KLK1: variants seen among roughly 807,000 people sequenced by gnomAD.
KLK1 encodes kallikrein 1.
Under a neutral mutation model 23.3 loss-of-function variants are expected in KLK1, and 22 were observed. That is an observed-to-expected ratio of 0.95 (90% confidence interval 0.68 to 1.35). The LOEUF is 1.35. Among genes scored for constraint, KLK1 ranks in the 40% most tolerant of loss-of-function variants. The pLI is 0.00. For missense variants in KLK1, 301 were observed against 338.9 expected, an observed-to-expected ratio of 0.89 and a Z score of 0.88; for synonymous variants, 140 against 135.8, an observed-to-expected ratio of 1.03 and a Z score of -0.21.
intron 1 of KLK1, chr19:50,822,707 G>C: frequency 5.1e-6 from 5 of 985,452 alleles, no homozygotes; most frequent in Non-Finnish European, 6.0e-6. Context: ...TGGGATCTTC[G>C]TTTCTCATGG....
chr19:50,822,045 C>G (rs1464850554), intron 1 of KLK1, 174 bp from the exon 2 acceptor site: 12 of 1,380,492 alleles, frequency 8.7e-6, no homozygotes, highest in Non-Finnish European at 1.1e-5. Flanking sequence ...CTGGACTGTT[C>G]CCTGGGCTTT....
Position 50,821,729 on chromosome 19 carries a change from A to G in KLK1, c.189T>C (p.Ala63=). 6.2e-7 allele frequency: 1 copy of G among 1,612,578 alleles called. No individual in the cohort carries two copies. The highest frequency in any genetic ancestry group is 8.5e-7 in the Non-Finnish European group (1 of 1,179,164). The part of the protein sequence containing the change: ...ILVHRQWVLT[A]AHCISDNYQL... Reference sequence around the variant, plus strand: ...CTACTCACTCGCTGATGCAATGAGCAGCTGTGAGCACCCACTGGCGGTGCA... The same window carrying G: ...CTACTCACTCGCTGATGCAATGAGCGGCTGTGAGCACCCACTGGCGGTGCA... Residue 63 remains alanine, a synonymous_variant, in exon 2 of 5, where the codon GCT becomes GCC. Transcript: ENST00000301420. This position sits in a 1 kb window ranked among gnomAD's most constrained non-coding sequence, Gnocchi z 5.6.
chr19:50,822,006 G>A, intron 1 of KLK1, 135 bp from the exon 2 acceptor site: 2 of 1,438,136 alleles, frequency 1.4e-6, no homozygotes, highest in Non-Finnish European at 1.8e-6. Context: ...TGGGGACATG[G>A]GCAAGGGGTG....
intron 4 of KLK1, 80 bp downstream of exon 4, chr19:50,819,819 T>G: frequency 7.1e-7 from 1 of 1,415,602 alleles, no homozygotes; most frequent in Non-Finnish European, 9.7e-7. Context: ...AGCAGATGCC[T>G]GGTTAGCTCT....
Position 50,822,641 on chromosome 19 carries a change from C to T in KLK1, c.47-770G>A, listed in dbSNP as rs544668896. 131 of 980,854 alleles carry T rather than the reference C, an allele frequency of 1.3e-4. No individual in the cohort carries two copies. In the African/African-American group the frequency reaches 1.9e-3, roughly 15 times the overall value. 60.8% of individuals were successfully genotyped at this position (980,854 alleles called of 1,614,324 possible). On this transcript the variant is annotated intron_variant, in intron 1 of 4. Transcript: ENST00000301420. ...AACACAGTTGCGGTCAGGACTGGGA[C>T]GGGGCTCAGGAGGAGGGAGGCGTGA...
chr19:50,823,223 G>C, intron 1 of KLK1, among the ~76,000 whole-genome samples: 1 of 152,098 alleles, frequency 6.6e-6, no homozygotes, highest in Non-Finnish European at 1.5e-5. Context: ...AGTTGAGAGC[G>C]GACAGCTGGA....
chr19:50,822,316 C>T, intron 1 of KLK1: 1 of 990,540 alleles, frequency 1.0e-6, no homozygotes, highest in Non-Finnish European at 1.2e-6. Flanking sequence ...TAAGGGGCTC[C>T]TAGGCTAGGG....
Position 50,822,707 on chromosome 19 carries a change from G to A in KLK1, c.47-836C>T, listed in dbSNP as rs775867253. 1.8e-5 allele frequency: 18 copies of A among 985,452 alleles called. No homozygotes were observed. The Middle Eastern group carries it at 1.6e-3, about 86-fold the overall frequency. 61.0% of individuals were successfully genotyped at this position (985,452 alleles called of 1,614,324 possible). On this transcript the variant is annotated intron_variant, in intron 1 of 4. Transcript: ENST00000301420. The stretch of plus-strand genomic sequence containing the variant: ...GGACAGGGTGAAGGATGGGATCTTC[G>A]TTTCTCATGGGGATGGGGTTCATGG...
In KLK1 at chr19:50,821,928, A is replaced by G; in HGVS notation, c.47-57T>C. 6.4e-7 allele frequency: 1 copy of G among 1,554,620 alleles called. No individual in the cohort carries two copies. Among genetic ancestry groups the G allele is most frequent in the Non-Finnish European group, 8.7e-7 (1 of 1,148,218 alleles). On this transcript the variant is annotated intron_variant, in intron 1 of 4. Transcript: ENST00000301420. This position sits in a 1 kb window ranked among gnomAD's most constrained non-coding sequence, Gnocchi z 5.6. ...GGGTTGGCAGGAGAGGCCAGGGACA[A>G]GGCTAGGAGAGGGAGCTGGGCTGTG...
In KLK1 at chr19:50,821,855, A is replaced by T. The variant is rs768334273; in HGVS notation, c.63T>A (p.Ile21=). Residue 21 remains isoleucine (I), a synonymous_variant, in exon 2 of 5, where the codon ATT becomes ATA. Coordinates refer to ENST00000301420, the MANE Select transcript of KLK1 (RefSeq NM_002257.4). The surrounding 1 kb of genome is among the most constrained non-coding windows in gnomAD (Gnocchi z 5.6). ...SLGGTGAAPP[I]QSRIVGGWEC... ...CCCAGCCTCCCACAATCCGGGACTGAATCGGGGGCGCAGCACCTGCAGAGG... is the reference window on the plus strand; with the variant it reads ...CCCAGCCTCCCACAATCCGGGACTGTATCGGGGGCGCAGCACCTGCAGAGG... 4 of 1,610,546 alleles carry T rather than the reference A, an allele frequency of 2.5e-6. No individual in the cohort carries two copies. The highest frequency in any genetic ancestry group is 3.4e-6 in the Non-Finnish European group (4 of 1,178,056).
Position 50,820,251 on chromosome 19 carries a change from G to GA in KLK1, c.398dup (p.Thr134HisfsTer38). On this transcript the variant is annotated frameshift_variant, in exon 3 of 5. Transcript: ENST00000301420. LOFTEE classifies it high-confidence loss of function. Reference sequence around the variant, plus strand: ...ACTCCACGACCTTCACAGCATCTGTGATGGTATCAGCAGGCTCTGTCAGGC... The same window carrying GA: ...ACTCCACGACCTTCACAGCATCTGTGAATGGTATCAGCAGGCTCTGTCAGGC... 1 of 1,614,086 alleles carries GA rather than the reference G, an allele frequency of 6.2e-7. No homozygotes were observed. Among genetic ancestry groups the GA allele is most frequent in the Non-Finnish European group, 8.5e-7 (1 of 1,180,008 alleles).
rs780836923 is a variant in KLK1, at chr19:50,823,707, C to A, written c.42G>T (p.Gly14=). Residue 14 remains glycine, a synonymous_variant, in exon 1 of 5, where the codon GGG becomes GGT. Coordinates refer to ENST00000301420, the MANE Select transcript of KLK1 (RefSeq NM_002257.4). ...CACATCCCCCCACTGTCTCACCAGTCCCCCCCAGGGACAGGGCGAGGCACA... is the reference window on the plus strand; with the variant it reads ...CACATCCCCCCACTGTCTCACCAGTACCCCCCAGGGACAGGGCGAGGCACA... ...LVLCLALSLG[G]TGAAPPIQSR... The A allele has an allele frequency of 1.9e-6, 3 of 1,590,832 alleles. No homozygotes were observed. Among genetic ancestry groups the A allele is most frequent in the African/African-American group, 1.3e-5 (1 of 74,316 alleles).
intron 2 of KLK1, 64 bp from the exon 3 acceptor site, chr19:50,820,507 A>AG: frequency 3.7e-6 from 1 of 273,826 alleles, no homozygotes; most frequent in South Asian, 4.7e-5. Flanking sequence ...GGGGCAGGGG[A>AG]GCATGGGGGA....
In KLK1 at chr19:50,821,362, T is replaced by C. The variant is rs372095871; in HGVS notation, c.206+350A>G. Among the ~76,000 whole-genome samples the C allele has an allele frequency of 1.3e-5, 2 of 150,178 alleles. No homozygotes were observed. Among genetic ancestry groups the C allele is most frequent in the Non-Finnish European group, 3.0e-5 (2 of 67,570 alleles). The stretch of plus-strand genomic sequence containing the variant: ...AGGTAGAGACCCAGAGAGAGAGAGA[T>C]GGGTAGAGAGATGGAGGGTGAGACA... On this transcript the variant is annotated intron_variant, in intron 2 of 4. Coordinates refer to ENST00000301420, the MANE Select transcript of KLK1 (RefSeq NM_002257.4). This position sits in a 1 kb window ranked among gnomAD's most constrained non-coding sequence, Gnocchi z 5.6.
At chr19:50,822,409 CT>C in intron 1 of KLK1, 2 of 986,182 alleles carry the variant, frequency 2.0e-6, no homozygotes, top group Middle Eastern at 5.2e-4. Context: ...AGAAGAGCAT[CT>C]GGACTGAAGA....
rs2089807488 is a variant in KLK1, at chr19:50,819,352, G to A, written c.634-3C>T. 3.1e-6 allele frequency: 5 copies of A among 1,605,044 alleles called. No individual in the cohort carries two copies. Among genetic ancestry groups the A allele is most frequent in the Non-Finnish European group, 4.3e-6 (5 of 1,173,374 alleles). Reference sequence around the variant, plus strand: ...ATCAGCGGGCCCCCTGAATCACCCTGGGAGCACAAGGTGGGAGGGGAGAGT... The same window carrying A: ...ATCAGCGGGCCCCCTGAATCACCCTAGGAGCACAAGGTGGGAGGGGAGAGT... On this transcript the variant is annotated splice_polypyrimidine_tract_variant and splice_region_variant and intron_variant, in intron 4 of 4. Transcript: ENST00000301420.
At chr19:50,820,506 GAGC>G in intron 2 of KLK1, 63 bp from the exon 3 acceptor site, 9 of 448,534 alleles carry the variant, frequency 2.0e-5, no homozygotes, top group East Asian at 4.8e-5. Context: ...TGGGGCAGGG[GAGC>G]ATGGGGGAGG....
chr19:50,822,206 G>T, intron 1 of KLK1: 1 of 1,051,268 alleles, frequency 9.5e-7, no homozygotes, highest in Non-Finnish European at 1.1e-6. Context: ...GGGATGGGAG[G>T]TGGTGGGTTA....
chr19:50,822,159 G>A (rs900101881), intron 1 of KLK1: 11 of 1,129,656 alleles, frequency 9.7e-6, no homozygotes, highest in Non-Finnish European at 1.2e-5. Context: ...AGCAGACACT[G>A]CATCTGGGCG....
Sources: allele counts gnomAD v4.1 joint callset (sites outside exome capture counted in the v4.1 genomes callset), GRCh38; gene constraint gnomAD v4.1.1; non-coding constraint Gnocchi (gnomAD v3.1); transcripts MANE v1.5; gene names NCBI Gene and HGNC (gene_info 2026-07-23, HGNC 2026-07-21).